ZC3H14: variants seen among roughly 807,000 people sequenced by gnomAD.
ZC3H14 encodes the protein zinc finger CCCH-type containing 14.
Under a neutral mutation model 92.4 loss-of-function variants are expected in ZC3H14, and 31 were observed. The observed-to-expected ratio is 0.34, with a 90% CI of 0.25 to 0.45. ZC3H14 has a LOEUF of 0.45. Among genes scored for constraint, ZC3H14 ranks in the 20% least tolerant of loss-of-function variants. The probability of loss-of-function intolerance (pLI) is 1.00; values close to 1 mark genes in which losing one functional copy is unlikely to be tolerated. For synonymous variants in ZC3H14, 321 were observed against 300.9 expected, an observed-to-expected ratio of 1.07 and a Z score of -0.69; for missense variants, 781 against 897.3, an observed-to-expected ratio of 0.87 and a Z score of 1.66.
chr14:88,621,930 TTAAC>T lies in ZC3H14; in HGVS notation c.*10182_*10185del, dbSNP rs1185057620. 2.2e-6 allele frequency: 1 copy of T among 455,260 alleles called. No homozygotes were observed. The highest frequency in any genetic ancestry group is 4.4e-6 in the Non-Finnish European group (1 of 226,486). The allele number at this position is 455,260 out of a possible 1,614,324, so 28.2% of individuals were successfully genotyped here. A position where few individuals can be genotyped will look rare whatever the true frequency, so the allele number is the denominator to read the frequency against. ...CTGAAAATACATAAATACGTGATTC[TTAAC>T]TATAGTCATCCTACAGTACTACAGA... On this transcript the variant is annotated 3_prime_UTR_variant, in exon 17 of 17. Transcript: ENST00000251038.
Position 88,611,739 on chromosome 14 carries a change from A to G in ZC3H14, c.2205-6A>G. Reference sequence around the variant, plus strand: ...ATTAAAACAATTTTTGGTTCTGTTCATTCAGCGAATAGCACCCAGTCCTGC... The same window carrying G: ...ATTAAAACAATTTTTGGTTCTGTTCGTTCAGCGAATAGCACCCAGTCCTGC... On this transcript the variant is annotated splice_region_variant and splice_polypyrimidine_tract_variant and intron_variant, in intron 16 of 16. Coordinates refer to ENST00000251038, the MANE Select transcript of ZC3H14 (RefSeq NM_024824.5). 1 of 1,614,050 alleles carries G rather than the reference A, an allele frequency of 6.2e-7. No individual in the cohort carries two copies. The highest frequency in any genetic ancestry group is 2.2e-5 in the East Asian group (1 of 44,866).
Position 88,618,411 on chromosome 14 carries a change from A to G in ZC3H14, c.*6660A>G, listed in dbSNP as rs898620308. On this transcript the variant is annotated 3_prime_UTR_variant, in exon 17 of 17. Coordinates refer to ENST00000251038, the MANE Select transcript of ZC3H14 (RefSeq NM_024824.5). Reference sequence around the variant, plus strand: ...CACAGGGGGTTTACAGAATACTAGCATATTGCTACTTGATTTACATGTCTA... The same window carrying G: ...CACAGGGGGTTTACAGAATACTAGCGTATTGCTACTTGATTTACATGTCTA... 8.0e-7 allele frequency: 1 copy of G among 1,255,724 alleles called. No homozygotes were observed. Among genetic ancestry groups the G allele is most frequent in the Non-Finnish European group, 1.1e-6 (1 of 871,936 alleles). The allele number at this position is 1,255,724 out of a possible 1,614,324, so 77.8% of individuals were successfully genotyped here. A position where few individuals can be genotyped will look rare whatever the true frequency, so the allele number is the denominator to read the frequency against.
chr14:88,609,179 G>A, intron 13 of ZC3H14, 88 bp from the exon 14 acceptor site: 1 of 1,524,100 alleles, frequency 6.6e-7, no homozygotes, highest in African/African-American at 1.4e-5. Flanking sequence ...AACAAGTAGT[G>A]ATGGGGAGTG....
rs528715332 is a variant in ZC3H14 at position 88,620,507 on chromosome 14, G to A, written c.*8756G>A. ...GGATGAACTTAATGGACATGGCTAA[G>A]TGTTAACATGAATTCATCAAACATT... is the stretch of plus-strand genomic sequence containing the variant. On this transcript the variant is annotated 3_prime_UTR_variant, in exon 17 of 17. Coordinates refer to ENST00000251038, the MANE Select transcript of ZC3H14 (RefSeq NM_024824.5). The surrounding 1 kb of genome is among the most constrained non-coding windows in gnomAD (Gnocchi z 4.3). 27 of 339,958 alleles carry A rather than the reference G, an allele frequency of 7.9e-5. No homozygotes were observed. The highest frequency in any genetic ancestry group is 1.2e-4 in the Non-Finnish European group (22 of 190,490). 21.1% of individuals were successfully genotyped at this position (339,958 alleles called of 1,614,324 possible).
At position 88,627,011 on chromosome 14, in the gene ZC3H14, GTTGA is replaced by G; in HGVS notation, c.*15264_*15267del. The G allele has an allele frequency of 6.2e-7, 1 of 1,613,780 alleles. No individual in the cohort carries two copies. Among genetic ancestry groups the G allele is most frequent in the Non-Finnish European group, 8.5e-7 (1 of 1,179,840 alleles). On this transcript the variant is annotated 3_prime_UTR_variant, in exon 17 of 17. Coordinates refer to ENST00000251038, the MANE Select transcript of ZC3H14 (RefSeq NM_024824.5). ...GGTCGGAATTCTGCCACAAAAATAC[GTTGA>G]TTGTGACCAGCTCTGCTGGCAATTT...
In ZC3H14 at chr14:88,616,725, C is replaced by T. The variant is rs1286677001; in HGVS notation, c.*4974C>T. 6.2e-7 allele frequency: 1 copy of T among 1,611,088 alleles called. No homozygotes were observed. The highest frequency in any genetic ancestry group is 1.1e-5 in the South Asian group (1 of 90,472). ...TAATAGTAAACAAAACACAAACTTA[C>T]AAATTTTTCTGGACATGGGAAGTCA... On this transcript the variant is annotated 3_prime_UTR_variant, in exon 17 of 17. Coordinates refer to ENST00000251038, the MANE Select transcript of ZC3H14 (RefSeq NM_024824.5).
Position 88,568,105 on chromosome 14 carries a change from A to T in ZC3H14, c.146A>T (p.Glu49Val). Residue 49 changes from glutamate to valine, a missense_variant, in exon 3 of 17, where the codon GAG (glutamate) becomes GTG (valine). Physicochemically the swap from Glu to Val is moderately radical, Grantham distance 121. Coordinates refer to ENST00000251038, the MANE Select transcript of ZC3H14 (RefSeq NM_024824.5). ...ANKKSQDQMT[E>V]DLSLFLGNNT... ...AAGAAAAGTCAGGACCAAATGACAG[A>T]GGATCTGTCCCTGTTTCTAGGGAAC... The T allele has an allele frequency of 6.2e-7, 1 of 1,614,204 alleles. No individual in the cohort carries two copies. The highest frequency in any genetic ancestry group is 2.2e-5 in the East Asian group (1 of 44,878).
In ZC3H14 at chr14:88,619,068, T is replaced by TA. The variant is rs2088323133; in HGVS notation, c.*7324dup. Reference sequence around the variant, plus strand: ...ATTCCTTTAAAAACGTCTAATGGCTTAAAAAAACTTTCTTAGGCCAGGCCC... The same window carrying TA: ...ATTCCTTTAAAAACGTCTAATGGCTTAAAAAAAACTTTCTTAGGCCAGGCCC... On this transcript the variant is annotated 3_prime_UTR_variant, in exon 17 of 17. Coordinates refer to ENST00000251038, the MANE Select transcript of ZC3H14 (RefSeq NM_024824.5). 6 of 273,456 alleles carry TA rather than the reference T, an allele frequency of 2.2e-5. No individual in the cohort carries two copies. The South Asian group carries it at 3.8e-4, about 17-fold the overall frequency. The allele number at this position is 273,456 out of a possible 1,614,324, so 16.9% of individuals were successfully genotyped here.
intron 2 of ZC3H14, 198 bp from the exon 3 acceptor site, chr14:88,567,841 A>C (rs1029720324): frequency 5.2e-5 from 33 of 629,518 alleles, no homozygotes; most frequent in Non-Finnish European, 8.2e-5. Flanking sequence ...AATTATTCTT[A>C]ATTTCCATTC....
At chr14:88,588,647 T>G (rs1230392422) in intron 9 of ZC3H14, among the ~76,000 whole-genome samples, 2 of 152,174 alleles carry the variant, frequency 1.3e-5, no homozygotes, top group African/African-American at 2.4e-5. Context: ...CCCTTTTAAT[T>G]TGAAAATTCA....
Position 88,624,937 on chromosome 14 carries a change from C to T in ZC3H14, c.*13186C>T, listed in dbSNP as rs1484488195. 3 of 1,609,010 alleles carry T rather than the reference C, an allele frequency of 1.9e-6. No individual in the cohort carries two copies. Among genetic ancestry groups the T allele is most frequent in the South Asian group, 1.1e-5 (1 of 90,184 alleles). On this transcript the variant is annotated 3_prime_UTR_variant, in exon 17 of 17. Coordinates refer to ENST00000251038, the MANE Select transcript of ZC3H14 (RefSeq NM_024824.5). ...GCAAACCTCAGGTAGGTCACAAATG[C>T]ATAAATATTCTGTGAAAAGAAAGAG...
chr14:88,571,607 A>T (rs2080401871), intron 4 of ZC3H14, among the ~76,000 whole-genome samples: 1 of 152,224 alleles, frequency 6.6e-6, no homozygotes, highest in African/African-American at 2.4e-5. Context: ...TATTTTTAAA[A>T]TTTTCTACAA....
intron 9 of ZC3H14, 142 bp from the exon 10 acceptor site, chr14:88,596,592 A>C (rs928929632): frequency 1.4e-6 from 1 of 735,894 alleles, no homozygotes; most frequent in African/African-American, 1.8e-5. Flanking sequence ...TTGGTCTATA[A>C]ATACTATTAA....
chr14:88,618,150 G>T lies in ZC3H14; in HGVS notation c.*6399G>T. ...TCAATTACTATTCCTTATTGGAATG[G>T]CTCTAACAGTTCAGAAATAGGATTT... On this transcript the variant is annotated 3_prime_UTR_variant, in exon 17 of 17. Coordinates refer to ENST00000251038, the MANE Select transcript of ZC3H14 (RefSeq NM_024824.5). The T allele has an allele frequency of 1.7e-6, 2 of 1,206,026 alleles. No homozygotes were observed. The highest frequency in any genetic ancestry group is 1.3e-5 in the South Asian group (1 of 78,076). The allele number at this position is 1,206,026 out of a possible 1,614,324, so 74.7% of individuals were successfully genotyped here.
At chr14:88,606,746 G>A (rs1415058312) in intron 12 of ZC3H14, among the ~76,000 whole-genome samples, 2 of 59,896 alleles carry the variant, frequency 3.3e-5, no homozygotes, top group African/African-American at 5.0e-5. Context: ...GGACCCTGTC[G>A]TAAAAAAAAA....
In ZC3H14 at chr14:88,618,106, G is replaced by A; in HGVS notation, c.*6355G>A. On this transcript the variant is annotated 3_prime_UTR_variant, in exon 17 of 17. Transcript: ENST00000251038. Reference sequence around the variant, plus strand: ...ACATGAACATACCATTTCAAAATATGGTAACAAAAACTTGAAACTCAATTA... The same window carrying A: ...ACATGAACATACCATTTCAAAATATAGTAACAAAAACTTGAAACTCAATTA... 1 of 663,046 alleles carries A rather than the reference G, an allele frequency of 1.5e-6. No homozygotes were observed. The highest frequency in any genetic ancestry group is 2.8e-5 in the East Asian group (1 of 35,930). The allele number at this position is 663,046 out of a possible 1,614,324, so 41.1% of individuals were successfully genotyped here.
chr14:88,575,159 A>T (rs2080995212), intron 7 of ZC3H14, among the ~76,000 whole-genome samples: 1 of 152,042 alleles, frequency 6.6e-6, no homozygotes, highest in Non-Finnish European at 1.5e-5. Context: ...GCTGGTCTCG[A>T]ACTCCTGACC....
chr14:88,586,255 T>G (rs1052446625), intron 9 of ZC3H14, among the ~76,000 whole-genome samples: 1 of 152,264 alleles, frequency 6.6e-6, no homozygotes, highest in African/African-American at 2.4e-5. Flanking sequence ...TACCTCCTGT[T>G]TATCATTTTA....
At chr14:88,604,104 C>T (rs2085006443) in intron 12 of ZC3H14, among the ~76,000 whole-genome samples, 1 of 152,136 alleles carries the variant, frequency 6.6e-6, no homozygotes, top group African/African-American at 2.4e-5. Context: ...AGAGAAGACT[C>T]CAGTGTTTTC....
Sources: gnomAD v4.1 joint callset for allele counts (sites outside exome capture counted in the v4.1 genomes callset) on GRCh38, gnomAD v4.1.1 for gene constraint, Gnocchi (gnomAD v3.1) non-coding constraint, MANE v1.5 for transcripts, NCBI Gene and HGNC (gene_info 2026-07-23, HGNC 2026-07-21) for gene names.